The following FRMD4A variants were observed in gnomAD, a reference collection of about 807,000 sequenced individuals.
The protein encoded by FRMD4A is FERM domain containing 4A, also known as FERM domain-containing protein 4A.
FRMD4A carries 29 observed loss-of-function variants against 129.1 expected under a neutral mutation model. The ratio of observed to expected loss-of-function variants is 0.22; its 90% CI spans 0.17 to 0.31. FRMD4A has a LOEUF of 0.31. Ranked by LOEUF, FRMD4A falls within the 10% of genes least tolerant of loss-of-function variation. The pLI, the probability that FRMD4A is intolerant of heterozygous loss-of-function variation, is 1.00. For synonymous variants in FRMD4A, 634 were observed against 571.6 expected, an observed-to-expected ratio of 1.11 and a Z score of -1.56; for missense variants, 1,272 against 1,375.8, an observed-to-expected ratio of 0.92 and a Z score of 1.19.
chr10:13,883,319 G>A (rs1429065492), intron 2 of FRMD4A, among the ~76,000 whole-genome samples: 5 of 151,794 alleles, frequency 3.3e-5, no homozygotes, highest in African/African-American at 7.3e-5. Context: ...CTGAAACCCC[G>A]TCTCTACTAA....
At chr10:13,676,741 C>T (rs556332256) in intron 15 of FRMD4A, among the ~76,000 whole-genome samples, 62 of 152,172 alleles carry the variant, frequency 4.1e-4, no homozygotes, top group African/African-American at 1.4e-3. Flanking sequence ...AGATCTCCAC[C>T]GCGAAAACTG....
At chr10:14,158,700 A>G (rs1271691539) in intron 2 of FRMD4A, among the ~76,000 whole-genome samples, 5 of 151,146 alleles carry the variant, frequency 3.3e-5, no homozygotes, top group African/African-American at 1.2e-4. Context: ...AAGTAGGAAG[A>G]GGAAGAGGAG....
intron 2 of FRMD4A, among the ~76,000 whole-genome samples, chr10:14,229,514 T>G (rs1031573160): frequency 1.3e-5 from 2 of 152,188 alleles, no homozygotes; most frequent in Non-Finnish European, 2.9e-5. Flanking sequence ...TGTAGCTCAC[T>G]GCAGCCTCGA....
chr10:14,242,532 T>A (rs890784170), intron 2 of FRMD4A, among the ~76,000 whole-genome samples: 1 of 152,208 alleles, frequency 6.6e-6, no homozygotes, highest in African/African-American at 2.4e-5. Context: ...AATAAAGACA[T>A]ACAAAGGATA....
intron 4 of FRMD4A, among the ~76,000 whole-genome samples, chr10:13,805,919 G>A (rs1056463630): frequency 3.3e-5 from 5 of 151,612 alleles, no homozygotes; most frequent in East Asian, 1.9e-4. Flanking sequence ...AGTGCGTGGC[G>A]TGATCTTGGC....
At chr10:14,227,355 G>A (rs548808486) in intron 2 of FRMD4A, among the ~76,000 whole-genome samples, 5 of 139,020 alleles carry the variant, frequency 3.6e-5, no homozygotes, top group Non-Finnish European at 7.6e-5. Context: ...GGGTTCAAGC[G>A]ATTCTCCTGC....
At chr10:13,976,152 G>C (rs1439528259) in intron 2 of FRMD4A, among the ~76,000 whole-genome samples, 2 of 152,294 alleles carry the variant, frequency 1.3e-5, no homozygotes, top group African/African-American at 4.8e-5. Flanking sequence ...GGGGTGAAAA[G>C]AGTCAAGCAT....
intron 6 of FRMD4A, among the ~76,000 whole-genome samples, chr10:13,770,723 T>C (rs1309664472): frequency 6.6e-6 from 1 of 152,182 alleles, no homozygotes; most frequent in Admixed American, 6.5e-5. Flanking sequence ...GGATTACAGC[T>C]GTGAGCTACT....
At chr10:13,926,236 C>A (rs901511396) in intron 2 of FRMD4A, among the ~76,000 whole-genome samples, 5 of 152,184 alleles carry the variant, frequency 3.3e-5, no homozygotes, top group African/African-American at 1.2e-4. Context: ...CCCTGGCCAA[C>A]TGTGAACACA....
At chr10:14,177,308 G>A (rs58301948) in intron 2 of FRMD4A, among the ~76,000 whole-genome samples, 6 of 151,710 alleles carry the variant, frequency 4.0e-5, no homozygotes, top group East Asian at 1.9e-4. Context: ...AGTGATTCCC[G>A]TGCCTCAGCC....
chr10:13,859,486 G>A (rs747302201), intron 2 of FRMD4A, among the ~76,000 whole-genome samples: 1 of 152,228 alleles, frequency 6.6e-6, no homozygotes, highest in Non-Finnish European at 1.5e-5. Context: ...TCCTCATGGA[G>A]CTTATATTCT....
intron 2 of FRMD4A, among the ~76,000 whole-genome samples, chr10:14,061,924 G>A (rs1834834598): frequency 6.6e-6 from 1 of 152,208 alleles, no homozygotes. Flanking sequence ...ATCTTGTTAT[G>A]TGACAGTCAA....
chr10:13,951,448 T>C (rs1439225226), intron 2 of FRMD4A, among the ~76,000 whole-genome samples: 2 of 151,722 alleles, frequency 1.3e-5, no homozygotes, highest in Non-Finnish European at 2.9e-5. Flanking sequence ...ATATTGAAGA[T>C]GAAAGAAGTG....
intron 15 of FRMD4A, among the ~76,000 whole-genome samples, chr10:13,681,198 C>A (rs937207165): frequency 6.6e-6 from 1 of 152,204 alleles, no homozygotes; most frequent in Non-Finnish European, 1.5e-5. Flanking sequence ...TAACTTCTAG[C>A]CTTCTGCCAG....
At chr10:14,272,215 G>A (rs369583137) in intron 2 of FRMD4A, among the ~76,000 whole-genome samples, 87 of 152,220 alleles carry the variant, frequency 5.7e-4, no homozygotes, top group African/African-American at 2.1e-3. Flanking sequence ...AAGCATAGTT[G>A]CCAAGCTGGA....
intron 2 of FRMD4A, among the ~76,000 whole-genome samples, chr10:14,329,796 C>G (rs1231993820): frequency 6.6e-6 from 1 of 152,164 alleles, no homozygotes; most frequent in Admixed American, 6.5e-5. Context: ...TCGAGGGGCT[C>G]TTAGCACCTG....
intron 2 of FRMD4A, among the ~76,000 whole-genome samples, chr10:14,233,234 T>C (rs1189282766): frequency 6.6e-6 from 1 of 152,160 alleles, no homozygotes; most frequent in East Asian, 1.9e-4. Flanking sequence ...AAAATACATA[T>C]CCTCAGAAGC....
chr10:13,984,332 C>G (rs1461920678), intron 2 of FRMD4A, among the ~76,000 whole-genome samples: 1 of 152,222 alleles, frequency 6.6e-6, no homozygotes, highest in East Asian at 1.9e-4. Context: ...TACCTGTGGG[C>G]ATCCAACCCC....
intron 2 of FRMD4A, among the ~76,000 whole-genome samples, chr10:14,309,132 T>C (rs1291110906): frequency 6.6e-6 from 1 of 152,204 alleles, no homozygotes; most frequent in East Asian, 1.9e-4. Flanking sequence ...ATGCAATCAC[T>C]TTCAACAACA....
Sources: allele counts gnomAD v4.1 joint callset (sites outside exome capture counted in the v4.1 genomes callset), GRCh38; gene constraint gnomAD v4.1.1; transcripts MANE v1.5; gene names NCBI Gene and HGNC (gene_info 2026-07-23, HGNC 2026-07-21).